Variants in MAST4 observed in about 807,000 individuals in gnomAD.
MAST4 encodes microtubule associated serine/threonine kinase family member 4.
In MAST4, 89 loss-of-function variants were observed where a neutral mutation model predicts 162.7. The ratio of observed to expected loss-of-function variants is 0.55; its 90% CI spans 0.46 to 0.65. The LOEUF is 0.65. MAST4 is among the 30% of genes least tolerant of loss of function. The pLI, the probability that MAST4 is intolerant of heterozygous loss-of-function variation, is 0.00. For synonymous variants in MAST4, 1,479 were observed against 1,361.1 expected, an observed-to-expected ratio of 1.09 and a Z score of -1.91; for missense variants, 3,153 against 3,374.0, an observed-to-expected ratio of 0.93 and a Z score of 1.62.
intron 4 of MAST4, among the ~76,000 whole-genome samples, chr5:66,914,840 T>A (rs1448844662): frequency 6.6e-6 from 1 of 152,170 alleles, no homozygotes; most frequent in African/African-American, 2.4e-5. Flanking sequence ...TCTCACTGTC[T>A]TCTAGTGGAG....
chr5:66,870,180 A>T (rs904118426), intron 3 of MAST4, among the ~76,000 whole-genome samples: 1 of 152,188 alleles, frequency 6.6e-6, no homozygotes, highest in Non-Finnish European at 1.5e-5. Flanking sequence ...TTACAGACTT[A>T]ATGCTAAATC....
chr5:66,725,569 A>G (rs1459485651), intron 1 of MAST4, among the ~76,000 whole-genome samples: 1 of 152,200 alleles, frequency 6.6e-6, no homozygotes, highest in Non-Finnish European at 1.5e-5. Context: ...ATTAACTTCC[A>G]AGAGACACTT....
rs76024829 is a variant in MAST4 at position 67,151,123 on chromosome 5, G to A, written c.3296-1514G>A. On this transcript the variant is annotated intron_variant, in intron 24 of 28. Transcript: ENST00000403625. Reference sequence around the variant, plus strand: ...CACACACACACAGACAGTTTCACATGACCAGTTAAGATCTGTTTAGATTCA... The same window carrying A: ...CACACACACACAGACAGTTTCACATAACCAGTTAAGATCTGTTTAGATTCA... 7.9e-5 allele frequency among the ~76,000 whole-genome samples: 12 copies of A among 152,320 alleles called. No homozygotes were observed. The East Asian group carries it at 2.3e-3, about 29-fold the overall frequency.
chr5:66,989,256 G>A (rs1349487833), intron 4 of MAST4, among the ~76,000 whole-genome samples: 2 of 151,982 alleles, frequency 1.3e-5, no homozygotes, highest in African/African-American at 2.4e-5. Flanking sequence ...TTTTCAAACC[G>A]CACCTGCCCC....
chr5:67,104,658 A>C lies in MAST4; in HGVS notation c.1356+83A>C, dbSNP rs1765394866. ...TTTTTTTTGCTTACAAGTTATAACCATGAAATGGAGTTCACATTCCAGAGA... is the reference window on the plus strand; with the variant it reads ...TTTTTTTTGCTTACAAGTTATAACCCTGAAATGGAGTTCACATTCCAGAGA... On this transcript the variant is annotated intron_variant, in intron 10 of 28. Coordinates refer to ENST00000403625, the MANE Select transcript of MAST4 (RefSeq NM_001164664.2). The C allele has an allele frequency of 1.2e-5, 12 of 1,036,578 alleles. No homozygotes were observed. The South Asian group carries it at 1.5e-4, about 13-fold the overall frequency. The allele number at this position is 1,036,578 out of a possible 1,614,324, so 64.2% of individuals were successfully genotyped here.
chr5:66,666,292 G>A (rs1460428223), intron 1 of MAST4, among the ~76,000 whole-genome samples: 4 of 152,122 alleles, frequency 2.6e-5, no homozygotes, highest in East Asian at 1.9e-4. Context: ...TCTTCAGACC[G>A]CTCTCTGATG....
At chr5:66,928,700 T>C (rs894208325) in intron 4 of MAST4, among the ~76,000 whole-genome samples, 1 of 152,174 alleles carries the variant, frequency 6.6e-6, no homozygotes, top group Non-Finnish European at 1.5e-5. Context: ...CAGCTTTGTA[T>C]GTTGTGGAGA....
chr5:66,747,160 G>T (rs1012611434), intron 1 of MAST4, among the ~76,000 whole-genome samples: 1 of 151,284 alleles, frequency 6.6e-6, no homozygotes, highest in Non-Finnish European at 1.5e-5. Flanking sequence ...AAAAGGAATT[G>T]ACTTTCTTGA....
chr5:67,108,072 G>A (rs934981315), intron 10 of MAST4, among the ~76,000 whole-genome samples: 1 of 152,144 alleles, frequency 6.6e-6, no homozygotes, highest in African/African-American at 2.4e-5. Context: ...TTGAGTTAAT[G>A]TAAATTATAT....
At chr5:67,135,576 C>T (rs1010640350) in intron 18 of MAST4, among the ~76,000 whole-genome samples, 3 of 152,172 alleles carry the variant, frequency 2.0e-5, no homozygotes, top group African/African-American at 4.8e-5. Context: ...ATTTTGCAAG[C>T]CTTGCATATT....
At position 67,130,428 on chromosome 5, in the gene MAST4, A is replaced by G; in HGVS notation, c.1954+10A>G. The G allele has an allele frequency of 6.2e-7, 1 of 1,613,042 alleles. No homozygotes were observed. Among genetic ancestry groups the G allele is most frequent in the Non-Finnish European group, 8.5e-7 (1 of 1,179,330 alleles). ...ATGGAATATGTGGAAGGTATCTGAC[A>G]CGGAAAACATGACACCTGTACCCAG... On this transcript the variant is annotated intron_variant, in intron 15 of 28. Coordinates refer to ENST00000403625, the MANE Select transcript of MAST4 (RefSeq NM_001164664.2).
At chr5:67,000,704 C>T (rs560223607) in intron 4 of MAST4, among the ~76,000 whole-genome samples, 4 of 150,922 alleles carry the variant, frequency 2.7e-5, no homozygotes, top group Admixed American at 6.7e-5. Context: ...GCCAAGATCG[C>T]GCCACTGCAC....
chr5:66,722,044 C>T (rs1206958597), intron 1 of MAST4, among the ~76,000 whole-genome samples: 1 of 152,032 alleles, frequency 6.6e-6, no homozygotes, highest in African/African-American at 2.4e-5. Flanking sequence ...TCCTTGCTTC[C>T]ATCCCTGCCC....
intron 4 of MAST4, among the ~76,000 whole-genome samples, chr5:67,021,898 TC>T (rs1450117054): frequency 1.3e-5 from 2 of 152,214 alleles, no homozygotes; most frequent in African/African-American, 4.8e-5. Flanking sequence ...TTTTAACATT[TC>T]CTTGTGTCTT....
At chr5:67,005,095 CG>C in intron 4 of MAST4, 2 of 750,756 alleles carry the variant, frequency 2.7e-6, no homozygotes, top group South Asian at 2.9e-5. Context: ...GGTAAAAACG[CG>C]GGGATCTCTG....
At chr5:66,606,444 G>A (rs981699380) in intron 1 of MAST4, among the ~76,000 whole-genome samples, 2 of 152,178 alleles carry the variant, frequency 1.3e-5, no homozygotes, top group Admixed American at 6.5e-5. Flanking sequence ...TATTGAAGAT[G>A]TGAAGGTAGA....
intron 1 of MAST4, among the ~76,000 whole-genome samples, chr5:66,597,388 C>A (rs1432881958): frequency 1.3e-5 from 2 of 152,178 alleles, no homozygotes; most frequent in Non-Finnish European, 2.9e-5. Context: ...TGTTTCCCAC[C>A]GAAGCGCTTG....
intron 3 of MAST4, chr5:66,828,946 G>A: frequency 7.5e-7 from 1 of 1,334,576 alleles, no homozygotes; most frequent in Non-Finnish European, 1.1e-6. Context: ...GGATTTCAAA[G>A]TTCCCTTGTC....
At chr5:66,866,792 C>G (rs1204200037) in intron 3 of MAST4, among the ~76,000 whole-genome samples, 1 of 152,222 alleles carries the variant, frequency 6.6e-6, no homozygotes, top group Non-Finnish European at 1.5e-5. Context: ...GCCCCATCAT[C>G]CAGGCTGGAG....
Sources: gnomAD v4.1 joint callset for allele counts (sites outside exome capture counted in the v4.1 genomes callset) on GRCh38, gnomAD v4.1.1 for gene constraint, MANE v1.5 for transcripts, NCBI Gene and HGNC (gene_info 2026-07-23, HGNC 2026-07-21) for gene names.